The following TPRG1 variants were observed in gnomAD, a reference collection of about 807,000 sequenced individuals.
TPRG1 encodes tumor protein p63 regulated 1, also known as tumor protein p63-regulated gene 1 protein.
Under a neutral mutation model 29.3 loss-of-function variants are expected in TPRG1, and 29 were observed. The ratio of observed to expected loss-of-function variants is 0.99; its 90% CI spans 0.74 to 1.35. TPRG1 has a LOEUF of 1.35. TPRG1 is among the 40% of genes most tolerant of loss of function. The pLI is 0.00. For missense variants in TPRG1, 327 were observed against 335.0 expected, an observed-to-expected ratio of 0.98 and a Z score of 0.19; for synonymous variants, 130 against 116.8, an observed-to-expected ratio of 1.11 and a Z score of -0.73.
chr3:189,012,990 G>T (rs2152123062), intron 3 of TPRG1, among the ~76,000 whole-genome samples: 1 of 152,048 alleles, frequency 6.6e-6, no homozygotes, highest in South Asian at 2.1e-4. Flanking sequence ...CTACGAAGGA[G>T]ATAGAAATAT....
chr3:189,143,970 C>T (rs1010328055), intron 3 of TPRG1, among the ~76,000 whole-genome samples: 61 of 152,188 alleles, frequency 4.0e-4, no homozygotes, highest in African/African-American at 1.4e-3. Context: ...CTTCCATTTC[C>T]TCTCTGTGTA....
At chr3:189,090,172 G>A (rs1195604226) in intron 4 of TPRG1, among the ~76,000 whole-genome samples, 1 of 151,852 alleles carries the variant, frequency 6.6e-6, no homozygotes, top group African/African-American at 2.4e-5. Context: ...TTAATACAAA[G>A]CTACATCCCC....
chr3:189,071,104 C>T (rs1716789351), intron 4 of TPRG1, among the ~76,000 whole-genome samples: 2 of 150,818 alleles, frequency 1.3e-5, no homozygotes, highest in South Asian at 4.2e-4. Context: ...TTAGAAACAG[C>T]TCAGTGAAGG....
At chr3:189,012,228 C>T (rs1712639876) in intron 3 of TPRG1, among the ~76,000 whole-genome samples, 1 of 152,132 alleles carries the variant, frequency 6.6e-6, no homozygotes, top group Non-Finnish European at 1.5e-5. Flanking sequence ...AAGAAGAATG[C>T]TTCTAGCATT....
At chr3:189,027,515 C>G (rs188436768) in intron 4 of TPRG1, among the ~76,000 whole-genome samples, 1 of 152,162 alleles carries the variant, frequency 6.6e-6, no homozygotes, top group African/African-American at 2.4e-5. Context: ...TATAAATACA[C>G]GCATGGTGTA....
chr3:189,208,232 T>C (rs1214925954), intron 2 of TPRG1, among the ~76,000 whole-genome samples: 3 of 152,206 alleles, frequency 2.0e-5, no homozygotes, highest in East Asian at 1.9e-4. Flanking sequence ...GAGTGCTTCA[T>C]AGGTTTCTAG....
intron 1 of TPRG1, among the ~76,000 whole-genome samples, chr3:189,118,618 C>T (rs1226904919): frequency 6.6e-6 from 1 of 152,208 alleles, no homozygotes; most frequent in East Asian, 1.9e-4. Context: ...ACATGGTGCT[C>T]TGCATCCCAG....
intron 3 of TPRG1, among the ~76,000 whole-genome samples, chr3:189,005,815 A>G (rs1423080027): frequency 6.6e-6 from 1 of 152,118 alleles, no homozygotes. Flanking sequence ...ACACAGGTCC[A>G]TATGATGAAA....
At chr3:189,074,700 C>A (rs1717028521) in intron 4 of TPRG1, among the ~76,000 whole-genome samples, 1 of 151,864 alleles carries the variant, frequency 6.6e-6, no homozygotes, top group South Asian at 2.1e-4. Flanking sequence ...ATTGTTATAT[C>A]CATATATTCT....
At position 189,073,191 on chromosome 3, in the gene TPRG1, A is replaced by G. The variant is rs570385759; in HGVS notation, c.-463+49245A>G. On this transcript the variant is annotated intron_variant, in intron 4 of 10. Transcript: ENST00000433971. ...ACAGACCTAGGAAATAGATACCTAT[A>G]TGGAATCAGAAGTTTCTATTTCTCT... Among the ~76,000 whole-genome samples the G allele has an allele frequency of 3.2e-4, 48 of 152,306 alleles. 2 individuals are homozygous for G. Among genetic ancestry groups the G allele is most frequent in the Middle Eastern group, 6.8e-3 (2 of 294 alleles).
chr3:189,083,334 G>A (rs1717727879), intron 4 of TPRG1, among the ~76,000 whole-genome samples: 3 of 152,096 alleles, frequency 2.0e-5, no homozygotes, highest in Admixed American at 6.5e-5. Context: ...TTCTCCTGGG[G>A]GGTTTGTGGG....
chr3:189,226,379 A>G (rs1737723089), intron 3 of TPRG1, among the ~76,000 whole-genome samples: 1 of 152,200 alleles, frequency 6.6e-6, no homozygotes, highest in African/African-American at 2.4e-5. Flanking sequence ...AAAAATAGAA[A>G]AATGTCCAAA....
intron 4 of TPRG1, among the ~76,000 whole-genome samples, chr3:189,040,077 T>C (rs1040461598): frequency 6.6e-6 from 1 of 152,186 alleles, no homozygotes; most frequent in African/African-American, 2.4e-5. Context: ...CCTGGAAAGC[T>C]GCCTCCCTGA....
intron 4 of TPRG1, among the ~76,000 whole-genome samples, chr3:189,291,211 T>C (rs1435979710): frequency 6.6e-6 from 1 of 152,140 alleles, no homozygotes; most frequent in Non-Finnish European, 1.5e-5. Flanking sequence ...GGTAGACCCA[T>C]TTCTAAACCT....
At chr3:189,202,848 A>G (rs1308125146) in intron 1 of TPRG1, among the ~76,000 whole-genome samples, 1 of 152,134 alleles carries the variant, frequency 6.6e-6, no homozygotes, top group Non-Finnish European at 1.5e-5. Context: ...TCAGCCCAGA[A>G]CTCACTGGGC....
intron 5 of TPRG1, among the ~76,000 whole-genome samples, chr3:189,310,774 C>T (rs1217913330): frequency 6.6e-6 from 1 of 152,042 alleles, no homozygotes; most frequent in Non-Finnish European, 1.5e-5. Flanking sequence ...ATATAACATG[C>T]TGCTTTCCGC....
At chr3:189,203,489 A>G (rs1733820122) in intron 1 of TPRG1, among the ~76,000 whole-genome samples, 1 of 152,174 alleles carries the variant, frequency 6.6e-6, no homozygotes, top group Non-Finnish European at 1.5e-5. Context: ...TTCCAAGATA[A>G]AATATTTTTG....
rs148982251 is a variant in TPRG1 at position 189,060,089 on chromosome 3, G to A, written c.-463+36143G>A. On this transcript the variant is annotated intron_variant, in intron 4 of 10. Transcript: ENST00000433971. The stretch of plus-strand genomic sequence containing the variant: ...CTCTACTAAAAATACAAAATTAGCC[G>A]GGTGTGGTGGCGCATGCCTGTAATC... 3.2e-3 allele frequency among the ~76,000 whole-genome samples: 489 copies of A among 152,182 alleles called. 1 individual carries two copies. The highest frequency in any genetic ancestry group is 8.5e-3 in the African/African-American group (353 of 41,516).
chr3:189,184,882 G>C (rs1037049479), intron 1 of TPRG1, among the ~76,000 whole-genome samples: 1 of 152,208 alleles, frequency 6.6e-6, no homozygotes, highest in African/African-American at 2.4e-5. Flanking sequence ...CGCAACAGCA[G>C]AGCGGATGGG....
Sources: gnomAD v4.1 joint callset for allele counts (sites outside exome capture counted in the v4.1 genomes callset) on GRCh38, gnomAD v4.1.1 for gene constraint, MANE v1.5 for transcripts, NCBI Gene and HGNC (gene_info 2026-07-23, HGNC 2026-07-21) for gene names.